Variants in ACOX1 observed in about 807,000 individuals in gnomAD.
The protein encoded by ACOX1 is peroxisomal acyl-coenzyme A oxidase 1.
A neutral mutation model predicts 75.5 loss-of-function variants in ACOX1; 41 were observed. The observed-to-expected ratio is 0.54, with a 90% CI of 0.42 to 0.70. ACOX1 has a LOEUF of 0.70. ACOX1 is among the 30% of genes least tolerant of loss of function. The pLI is 0.00. For synonymous variants in ACOX1, 303 were observed against 298.8 expected (o/e 1.01, Z -0.15); for missense variants, 630 against 837.5 (o/e 0.75, Z 3.06).
At chr17:75,970,286 T>C (rs1451182126) in intron 2 of ACOX1, among the ~76,000 whole-genome samples, 1 of 149,566 alleles carries the variant, frequency 6.7e-6, no homozygotes, top group Non-Finnish European at 1.5e-5. Context: ...CATCTTGAAA[T>C]GATTACATAT....
At position 75,960,228 on chromosome 17, in the gene ACOX1, T is replaced by C. The variant is rs2144271231; in HGVS notation, c.417A>G (p.Thr139=). 6.2e-7 allele frequency: 1 copy of C among 1,614,088 alleles called. No homozygotes were observed. Among genetic ancestry groups the C allele is most frequent in the Non-Finnish European group, 8.5e-7 (1 of 1,179,970 alleles). ...NLEIIGTYAQ[T]EMGHGTHLRG... ...AATACTCCATACCATGACCCATCTC[T>C]GTCTGGGCATAAGTGCCAATGATCT... The change falls in exon 3 of 14, where the codon ACA becomes ACG. Residue 139 remains threonine (T), a synonymous_variant. Coordinates refer to ENST00000293217, the MANE Select transcript of ACOX1 (RefSeq NM_004035.7). This position sits in a 1 kb window ranked among gnomAD's most constrained non-coding sequence, Gnocchi z 4.4.
At chr17:75,951,901 G>A (rs538971049) in intron 7 of ACOX1, among the ~76,000 whole-genome samples, 2 of 135,002 alleles carry the variant, frequency 1.5e-5, no homozygotes, top group South Asian at 5.0e-4. Flanking sequence ...TGCAAGCTCC[G>A]CCTCCCAAGT....
chr17:75,958,609 C>A (rs1009022396), intron 3 of ACOX1, among the ~76,000 whole-genome samples: 1 of 151,570 alleles, frequency 6.6e-6, no homozygotes, highest in African/African-American at 2.4e-5. Flanking sequence ...GAGATCGAGA[C>A]CATCCTGGTT....
At chr17:75,954,991 C>T (rs2065810639) in intron 6 of ACOX1, among the ~76,000 whole-genome samples, 1 of 152,134 alleles carries the variant, frequency 6.6e-6, no homozygotes, top group Non-Finnish European at 1.5e-5. Context: ...CCTCAGCCTC[C>T]TGAGTAGCTG....
chr17:75,956,687 C>CA (rs60686701), intron 4 of ACOX1, among the ~76,000 whole-genome samples: 120 of 103,848 alleles, frequency 1.2e-3, no homozygotes, highest in South Asian at 2.5e-3. Context: ...GACTCCATCT[C>CA]AAAAAAAAAA....
rs2144227426 is a variant in ACOX1 at position 75,946,757 on chromosome 17, G to A, written c.1974C>T (p.Ser658=). ...ESYKHLKSLQ[S]KL ...TTGTCCTTGTGACACTTCAGAGCTTGGACTGCAGTGACTTCAGGTGCTTGT... is the reference window on the plus strand; with the variant it reads ...TTGTCCTTGTGACACTTCAGAGCTTAGACTGCAGTGACTTCAGGTGCTTGT... Residue 658 remains serine (S), a synonymous_variant, in exon 14 of 14, where the codon TCC becomes TCT. Coordinates refer to ENST00000293217, the MANE Select transcript of ACOX1 (RefSeq NM_004035.7). The A allele has an allele frequency of 1.9e-6, 3 of 1,613,914 alleles. No individual in the cohort carries two copies. The highest frequency in any genetic ancestry group is 1.6e-4 in the Middle Eastern group (1 of 6,062).
chr17:75,963,355 C>T (rs1262365480), intron 2 of ACOX1, among the ~76,000 whole-genome samples: 5 of 152,078 alleles, frequency 3.3e-5, no homozygotes, highest in Admixed American at 2.0e-4. Context: ...CTTGTCACCT[C>T]GTCCTGTCTC....
At position 75,978,726 on chromosome 17, in the gene ACOX1, A is replaced by G. The variant is rs1598206450; in HGVS notation, c.110-33T>C. 1 of 1,595,496 alleles carries G rather than the reference A, an allele frequency of 6.3e-7. No homozygotes were observed. Among genetic ancestry groups the G allele is most frequent in the Non-Finnish European group, 8.5e-7 (1 of 1,178,394 alleles). On this transcript the variant is annotated intron_variant, in intron 1 of 13. Coordinates refer to ENST00000293217, the MANE Select transcript of ACOX1 (RefSeq NM_004035.7). The surrounding 1 kb of genome is among the most constrained non-coding windows in gnomAD (Gnocchi z 4.2). ...GGGGTTAAAGGGCATTAAAAGGCAG[A>G]CAGACACTCGGGCCTCCGTTCCACC...
At chr17:75,953,174 G>C (rs1001156806) in intron 7 of ACOX1, 9 of 352,296 alleles carry the variant, frequency 2.6e-5, no homozygotes, top group African/African-American at 1.9e-4. Flanking sequence ...TAAAGTTCAA[G>C]TAATATTATT....
At chr17:75,968,720 C>T (rs1022865769) in intron 2 of ACOX1, among the ~76,000 whole-genome samples, 10 of 151,142 alleles carry the variant, frequency 6.6e-5, no homozygotes, top group African/African-American at 2.4e-4. Context: ...GTCAGGAGTT[C>T]AAGACCAGCC....
rs1230582362 is a variant in ACOX1 at position 75,978,206 on chromosome 17, T to C, written c.269+328A>G. ...GCCTCCCTAGTTCACGCTATTCTCC[T>C]GCCTCAGCCTCCCGAGTAGCTGGAA... On this transcript the variant is annotated intron_variant, in intron 2 of 13. Coordinates refer to ENST00000293217, the MANE Select transcript of ACOX1 (RefSeq NM_004035.7). This position sits in a 1 kb window ranked among gnomAD's most constrained non-coding sequence, Gnocchi z 4.2. 6.6e-6 allele frequency among the ~76,000 whole-genome samples: 1 copy of C among 152,164 alleles called. No homozygotes were observed. Among genetic ancestry groups the C allele is most frequent in the Non-Finnish European group, 1.5e-5 (1 of 68,026 alleles).
rs1354082029 is a variant in ACOX1, at chr17:75,941,532, A to T, written c.*5216T>A. 6.6e-6 allele frequency: 1 copy of T among 152,180 alleles called. No individual in the cohort carries two copies. The highest frequency in any genetic ancestry group is 2.4e-5 in the African/African-American group (1 of 41,440). The allele number at this position is 152,180 out of a possible 1,614,324, so 9.4% of individuals were successfully genotyped here. ...TTTTTTCTAGTATGTGCTAATTATG[A>T]ATTTTATTAAGGTTTATTCAATGTC... On this transcript the variant is annotated 3_prime_UTR_variant, in exon 14 of 14. Transcript: ENST00000293217.
chr17:75,970,184 C>CAAAAAAAAAAAAACAAAAA, intron 2 of ACOX1, among the ~76,000 whole-genome samples: 1 of 69,094 alleles, frequency 1.4e-5, no homozygotes, highest in Non-Finnish European at 2.8e-5. Context: ...GAGACTCCTT[C>CAAAAAAAAAAAAACAAAAA]AAAAAAAAAA....
Position 75,948,311 on chromosome 17 carries a change from A to G in ACOX1, c.1875T>C (p.Asp625=), listed in dbSNP as rs771001963. ...VTLGSVLGRY[D]GNVYENLFEW... is the part of the protein sequence containing the mutation. ...CAAACAAGTTTTCATACACATTCCCATCATAGCGGCCAAGCACAGAGCCAA... is the reference window on the plus strand; with the variant it reads ...CAAACAAGTTTTCATACACATTCCCGTCATAGCGGCCAAGCACAGAGCCAA... The change falls in exon 13 of 14, where the codon GAT becomes GAC. Residue 625 remains aspartate (D), a synonymous_variant. Transcript: ENST00000293217. 39 of 1,613,984 alleles carry G rather than the reference A, an allele frequency of 2.4e-5. No individual in the cohort carries two copies. The Middle Eastern group carries it at 8.2e-4, about 34-fold the overall frequency.
chr17:75,968,695 G>A (rs1011184938), intron 2 of ACOX1, among the ~76,000 whole-genome samples: 1 of 151,688 alleles, frequency 6.6e-6, no homozygotes, highest in African/African-American at 2.4e-5. Context: ...GGCTGAAGCG[G>A]GCGGATCACC....
At chr17:75,946,903 C>A in intron 13 of ACOX1, 108 bp from the exon 14 acceptor site, 1 of 999,384 alleles carries the variant, frequency 1.0e-6, no homozygotes, top group South Asian at 1.4e-5. Flanking sequence ...GAGTCCTGCT[C>A]TGTTGCTCAG....
rs1206026912 is a variant in ACOX1, at chr17:75,979,132, T to C, written c.-59A>G. ...ACCGAGGTGGCAGTGACAATCTAAA[T>C]CCGCAGCTCCAGCGCCGGCCGGACC... On this transcript the variant is annotated 5_prime_UTR_variant, in exon 1 of 14. Coordinates refer to ENST00000293217, the MANE Select transcript of ACOX1 (RefSeq NM_004035.7). 3.8e-6 allele frequency: 6 copies of C among 1,596,934 alleles called. No homozygotes were observed. Among genetic ancestry groups the C allele is most frequent in the African/African-American group, 1.3e-5 (1 of 74,602 alleles).
rs1598168011 is a variant in ACOX1, at chr17:75,942,549, A to G, written c.*4199T>C. The G allele has an allele frequency of 6.6e-6, 1 of 152,142 alleles. No individual in the cohort carries two copies. The highest frequency in any genetic ancestry group is 1.9e-4 in the East Asian group (1 of 5,198). The allele number at this position is 152,142 out of a possible 1,614,324, so 9.4% of individuals were successfully genotyped here. A position where few individuals can be genotyped will look rare whatever the true frequency, so the allele number is the denominator to read the frequency against. ...TCCAAGAATGGAGTAGTAAAGAAAC[A>G]GCAGAAATGACTTCCCTGCATTATT... is the stretch of plus-strand genomic sequence containing the variant. On this transcript the variant is annotated 3_prime_UTR_variant, in exon 14 of 14. Coordinates refer to ENST00000293217, the MANE Select transcript of ACOX1 (RefSeq NM_004035.7).
chr17:75,976,960 A>G (rs1364396453), intron 2 of ACOX1, among the ~76,000 whole-genome samples: 1 of 150,056 alleles, frequency 6.7e-6, no homozygotes, highest in African/African-American at 2.5e-5. Flanking sequence ...GGATCATGTA[A>G]TAGTGTTTGT....
Sources: gnomAD v4.1 joint callset for allele counts (sites outside exome capture counted in the v4.1 genomes callset) on GRCh38, gnomAD v4.1.1 for gene constraint, Gnocchi (gnomAD v3.1) non-coding constraint, MANE v1.5 for transcripts, NCBI Gene and HGNC (gene_info 2026-07-23, HGNC 2026-07-21) for gene names.